Variants in CLINT1 observed in about 807,000 individuals in gnomAD.
The protein encoded by CLINT1 is clathrin interactor 1, also known as clathrin interacting protein localized in the trans-Golgi region.
A neutral mutation model predicts 70.4 loss-of-function variants in CLINT1; 15 were observed. The observed-to-expected ratio is 0.21, with a 90% confidence interval of 0.14 to 0.33. The LOEUF (loss-of-function observed/expected upper bound fraction) is 0.33, where lower values mean the gene tolerates loss of function less well. Ranked by LOEUF, CLINT1 falls within the 10% of genes least tolerant of loss-of-function variation. CLINT1 has a pLI of 1.00. For missense variants in CLINT1, 615 were observed against 778.1 expected, an observed-to-expected ratio of 0.79 and a Z score of 2.49; for synonymous variants, 227 against 254.7, an observed-to-expected ratio of 0.89 and a Z score of 1.04.
At position 157,816,401 on chromosome 5, in the gene CLINT1, C is replaced by T. The variant is rs191497755; in HGVS notation, c.243+333G>A. ...TTTCTATGTCGATGACAAACCATAT[C>T]AGACTGTGGTATTCATCTTAACTGC... On this transcript the variant is annotated intron_variant, in intron 3 of 11. Transcript: ENST00000411809. Among the ~76,000 whole-genome samples, 60 of 152,198 alleles carry T rather than the reference C, an allele frequency of 3.9e-4. 1 individual carries two copies. The highest frequency in any genetic ancestry group is 1.4e-3 in the African/African-American group (60 of 41,548).
chr5:157,852,471 T>C lies in CLINT1; in HGVS notation c.41+6459A>G, dbSNP rs190820280. 3.2e-4 allele frequency among the ~76,000 whole-genome samples: 49 copies of C among 152,328 alleles called. No individual in the cohort carries two copies. The East Asian group carries it at 9.4e-3, about 29-fold the overall frequency. On this transcript the variant is annotated intron_variant, in intron 1 of 11. Transcript: ENST00000411809. The stretch of plus-strand genomic sequence containing the variant: ...TCCTACATACTTACAAATAACCTAG[T>C]CTGACAATGATATCTCTATTTTCAC...
At chr5:157,833,081 T>G (rs1187009) in intron 1 of CLINT1, among the ~76,000 whole-genome samples, 20,372 of 152,182 alleles carry the variant, frequency 0.13, 1,793 homozygotes, top group African/African-American at 0.25. Context: ...CCAGGCGCGG[T>G]GGCTCACTCC....
At chr5:157,850,874 A>G (rs1753549523) in intron 1 of CLINT1, among the ~76,000 whole-genome samples, 2 of 152,044 alleles carry the variant, frequency 1.3e-5, no homozygotes, top group African/African-American at 2.4e-5. Context: ...AGCTCACTGC[A>G]GCTTTCAACT....
intron 1 of CLINT1, among the ~76,000 whole-genome samples, chr5:157,835,392 T>C (rs1763383408): frequency 6.6e-6 from 1 of 152,220 alleles, no homozygotes; most frequent in Non-Finnish European, 1.5e-5. Flanking sequence ...AGTGACGTAC[T>C]GACTGGCTAA....
intron 1 of CLINT1, among the ~76,000 whole-genome samples, chr5:157,824,130 T>C (rs1024065507): frequency 1.3e-5 from 2 of 152,196 alleles, no homozygotes; most frequent in Non-Finnish European, 2.9e-5. Flanking sequence ...CAGAAACATT[T>C]GGTCTTTCTT....
chr5:157,848,246 G>A (rs989339562), intron 1 of CLINT1, among the ~76,000 whole-genome samples: 2 of 151,390 alleles, frequency 1.3e-5, no homozygotes, highest in African/African-American at 4.9e-5. Flanking sequence ...ACAGGGGCCC[G>A]CCACTACCCC....
At chr5:157,791,484 G>T (rs917293087) in intron 10 of CLINT1, 2 of 534,090 alleles carry the variant, frequency 3.7e-6, no homozygotes, top group Non-Finnish European at 6.6e-6. Context: ...CTACAAGATG[G>T]GGGAGAAGGT....
chr5:157,809,945 A>G, intron 5 of CLINT1, 140 bp from the exon 6 acceptor site: 1 of 742,878 alleles, frequency 1.3e-6, no homozygotes, highest in Non-Finnish European at 2.1e-6. Flanking sequence ...TGCTGAATCA[A>G]CACAATTACA....
At chr5:157,801,372 T>G (rs1762215255) in intron 8 of CLINT1, among the ~76,000 whole-genome samples, 2 of 151,812 alleles carry the variant, frequency 1.3e-5, no homozygotes, top group Non-Finnish European at 1.5e-5. Flanking sequence ...CCGGGCGTGG[T>G]GGCGCATGCC....
At chr5:157,793,892 AAT>A (rs1232223456) in intron 9 of CLINT1, among the ~76,000 whole-genome samples, 1 of 152,182 alleles carries the variant, frequency 6.6e-6, no homozygotes, top group Non-Finnish European at 1.5e-5. Context: ...ATATAACAGC[AAT>A]AGATTATGTG....
chr5:157,816,965 T>C (rs1474246426), intron 2 of CLINT1, 135 bp from the exon 3 acceptor site: 4 of 595,626 alleles, frequency 6.7e-6, no homozygotes, highest in South Asian at 4.6e-5. Flanking sequence ...TTAGAAGATA[T>C]GTACTTCCTT....
At chr5:157,838,534 C>CT (rs35248048) in intron 1 of CLINT1, among the ~76,000 whole-genome samples, 59 of 152,162 alleles carry the variant, frequency 3.9e-4, no homozygotes, top group Non-Finnish European at 6.3e-4. Flanking sequence ...ATTCTCAATA[C>CT]TTTTTTCTAC....
Position 157,814,207 on chromosome 5 carries a change from G to T in CLINT1, c.330C>A (p.Ser110=), listed in dbSNP as rs776350311. 5 of 1,608,116 alleles carry T rather than the reference G, an allele frequency of 3.1e-6. No homozygotes were observed. Among genetic ancestry groups the T allele is most frequent in the Non-Finnish European group, 4.2e-6 (5 of 1,177,024 alleles). ...TACCTACAAAGTGGTAATTTTCCAG[G>T]GATCGTAAATCATAAATGTGTTCTC... ...SAREHIYDLR[S]LENYHFVDEH... The change falls in exon 4 of 12, where the codon TCC becomes TCA. Residue 110 remains serine (S), a synonymous_variant. Transcript: ENST00000411809.
Position 157,852,675 on chromosome 5 carries a change from C to T in CLINT1, c.41+6255G>A, listed in dbSNP as rs377628847. Among the ~76,000 whole-genome samples, 247 of 152,288 alleles carry T rather than the reference C, an allele frequency of 1.6e-3. 2 individuals carry two copies. The highest frequency in any genetic ancestry group is 5.6e-3 in the African/African-American group (231 of 41,552). ...CAGAGAAATAAAGATACCATTCTAACACATAAGATCACCGTTTCTAGTAGC... is the reference window on the plus strand; with the variant it reads ...CAGAGAAATAAAGATACCATTCTAATACATAAGATCACCGTTTCTAGTAGC... On this transcript the variant is annotated intron_variant, in intron 1 of 11. Transcript: ENST00000411809.
intron 8 of CLINT1, 48 bp downstream of exon 8, chr5:157,803,602 T>A (rs747718418): frequency 6.8e-6 from 9 of 1,319,042 alleles, no homozygotes; most frequent in Non-Finnish European, 8.0e-6. Flanking sequence ...TTTGGCATTT[T>A]AAAAAATGAC....
At chr5:157,844,359 T>C (rs1753296121) in intron 1 of CLINT1, among the ~76,000 whole-genome samples, 1 of 152,222 alleles carries the variant, frequency 6.6e-6, no homozygotes, top group African/African-American at 2.4e-5. Context: ...CTCACTGATA[T>C]ATCATCTTGT....
In CLINT1 at chr5:157,789,509, G is replaced by A; in HGVS notation, c.1385C>T (p.Thr462Ile). The part of the protein sequence containing the change: ...LGLPMSRSQN[T>I]DMVQKSVSKT... The stretch of plus-strand genomic sequence containing the variant: ...GCTGACTGATTTCTGGACCATATCT[G>A]TATTCTGATTATAGAGAGGATTAGG... The change falls in exon 11 of 12, where the codon ACA becomes ATA. Residue 462 changes from threonine to isoleucine, a missense_variant. Transcript: ENST00000411809. 6.2e-7 allele frequency: 1 copy of A among 1,613,922 alleles called. No individual in the cohort carries two copies. The highest frequency in any genetic ancestry group is 8.5e-7 in the Non-Finnish European group (1 of 1,179,852).
chr5:157,840,898 A>G (rs1221879460), intron 1 of CLINT1, among the ~76,000 whole-genome samples: 1 of 152,022 alleles, frequency 6.6e-6, no homozygotes, highest in African/African-American at 2.4e-5. Context: ...AGAAAAGTGT[A>G]TATATTTTTT....
intron 1 of CLINT1, among the ~76,000 whole-genome samples, chr5:157,827,043 G>A (rs1561659744): frequency 6.6e-6 from 1 of 152,034 alleles, no homozygotes; most frequent in Non-Finnish European, 1.5e-5. Context: ...GTTTGGATGG[G>A]GCAAAATTAA....
Sources: allele counts gnomAD v4.1 joint callset (sites outside exome capture counted in the v4.1 genomes callset), GRCh38; gene constraint gnomAD v4.1.1; transcripts MANE v1.5; gene names NCBI Gene and HGNC (gene_info 2026-07-23, HGNC 2026-07-21).